Variants in C12orf54 observed in about 807,000 individuals in gnomAD.
C12orf54 encodes the protein uncharacterized protein C12orf54.
Under a neutral mutation model 26.4 loss-of-function variants are expected in C12orf54, and 24 were observed. The observed-to-expected ratio is 0.91, with a 90% confidence interval of 0.66 to 1.28. The LOEUF (loss-of-function observed/expected upper bound fraction) is 1.28. C12orf54 is among the 50% of genes most tolerant of loss of function. C12orf54 has a pLI of 0.00. For synonymous variants in C12orf54, 54 were observed against 47.0 expected, an observed-to-expected ratio of 1.15 and a Z score of -0.61; for missense variants, 154 against 150.9, an observed-to-expected ratio of 1.02 and a Z score of -0.11.
chr12:48,488,641 A>T (rs187356941), intron 4 of C12orf54: 2 of 452,982 alleles, frequency 4.4e-6, no homozygotes, highest in Non-Finnish European at 7.9e-6. Flanking sequence ...AATAAATATA[A>T]TAGTAGGTTT....
At chr12:48,421,918 G>A in the C12orf54 span, among the ~76,000 whole-genome samples, 1 of 152,110 alleles carries the variant, frequency 6.6e-6, no homozygotes, top group Non-Finnish European at 1.5e-5. Context: ...TAAGTAAATT[G>A]TATATATTTG....
intron 4 of C12orf54, chr12:48,488,099 C>T: frequency 2.3e-6 from 2 of 856,514 alleles, no homozygotes; most frequent in Admixed American, 1.7e-5. Flanking sequence ...TGCAGTCTCT[C>T]AAGTCCCAAG....
the C12orf54 span, among the ~76,000 whole-genome samples, chr12:48,464,665 A>G: frequency 6.6e-6 from 1 of 152,194 alleles, no homozygotes; most frequent in African/African-American, 2.4e-5. Context: ...CCCAATTTTG[A>G]ACTATACTAC....
chr12:48,426,005 T>C, the C12orf54 span, among the ~76,000 whole-genome samples: 1 of 151,716 alleles, frequency 6.6e-6, no homozygotes, highest in African/African-American at 2.4e-5. Context: ...GATGTATAGC[T>C]TGCAAATATT....
the C12orf54 span, among the ~76,000 whole-genome samples, chr12:48,439,977 C>G: frequency 6.6e-6 from 1 of 152,106 alleles, no homozygotes; most frequent in Non-Finnish European, 1.5e-5. Flanking sequence ...GTAATCCCAG[C>G]ACCTTGGGAG....
At chr12:48,427,062 GC>G in the C12orf54 span, among the ~76,000 whole-genome samples, 1 of 152,152 alleles carries the variant, frequency 6.6e-6, no homozygotes, top group East Asian at 1.9e-4. Context: ...CTATTTGGAT[GC>G]CCTTTATTTC....
chr12:48,489,785 G>A (rs571336284), intron 5 of C12orf54, among the ~76,000 whole-genome samples: 27 of 149,886 alleles, frequency 1.8e-4, no homozygotes, highest in South Asian at 8.4e-4. Flanking sequence ...GTAGTAGCAC[G>A]ATCTTGGCTC....
the C12orf54 span, among the ~76,000 whole-genome samples, chr12:48,432,349 C>T: frequency 7.9e-5 from 12 of 152,188 alleles, no homozygotes; most frequent in East Asian, 1.9e-3. Context: ...AATCTCACAC[C>T]AATTCTTAGC....
At chr12:48,486,317 A>G in intron 3 of C12orf54, 109 bp downstream of exon 3, 1 of 1,166,058 alleles carries the variant, frequency 8.6e-7, no homozygotes, top group Non-Finnish European at 1.3e-6. Flanking sequence ...CTACCTGACA[A>G]GGGACAGGGT....
At chr12:48,473,456 T>A in the C12orf54 span, 1 of 560,188 alleles carries the variant, frequency 1.8e-6, no homozygotes, top group Non-Finnish European at 3.2e-6. Flanking sequence ...GTGATTTTAC[T>A]GTTTTTAGCC....
the C12orf54 span, among the ~76,000 whole-genome samples, chr12:48,462,806 G>A: frequency 1.3e-5 from 2 of 151,766 alleles, no homozygotes; most frequent in South Asian, 2.1e-4. Flanking sequence ...CATAGTAAAA[G>A]ACTGAAAGCA....
At chr12:48,434,189 C>T in the C12orf54 span, among the ~76,000 whole-genome samples, 2 of 152,156 alleles carry the variant, frequency 1.3e-5, no homozygotes, top group African/African-American at 2.4e-5. Flanking sequence ...TGAGATCAAG[C>T]AGCAAAGCGG....
the C12orf54 span, among the ~76,000 whole-genome samples, chr12:48,418,316 A>C: frequency 2.6e-5 from 4 of 152,208 alleles, no homozygotes; most frequent in African/African-American, 9.6e-5. Context: ...AAGGTAAGTC[A>C]TCAATAAGCG....
chr12:48,474,654 G>C, the C12orf54 span, among the ~76,000 whole-genome samples: 1 of 152,242 alleles, frequency 6.6e-6, no homozygotes, highest in Non-Finnish European at 1.5e-5. Context: ...TAGCACAGCA[G>C]TCCGAGATCA....
intron 4 of C12orf54, chr12:48,488,341 C>G: frequency 1.9e-6 from 1 of 518,056 alleles, no homozygotes; most frequent in Non-Finnish European, 3.6e-6. Context: ...AATGCTGTGC[C>G]CCCTGGTGCC....
At chr12:48,466,664 A>G in the C12orf54 span, among the ~76,000 whole-genome samples, 1 of 152,226 alleles carries the variant, frequency 6.6e-6, no homozygotes, top group Non-Finnish European at 1.5e-5. Context: ...ATTTAAAATT[A>G]GAAATAATGT....
chr12:48,466,357 C>T, the C12orf54 span, among the ~76,000 whole-genome samples: 1 of 151,956 alleles, frequency 6.6e-6, no homozygotes, highest in Non-Finnish European at 1.5e-5. Flanking sequence ...GATCCTGGCC[C>T]ACATAGTGAA....
chr12:48,479,714 G>T (rs1170307635), upstream of C12orf54, among the ~76,000 whole-genome samples: 2 of 151,428 alleles, frequency 1.3e-5, no homozygotes, highest in South Asian at 2.1e-4. Flanking sequence ...AGTTGCTTTT[G>T]TGTCCCTCTC....
At chr12:48,435,468 T>C in the C12orf54 span, among the ~76,000 whole-genome samples, 3 of 152,020 alleles carry the variant, frequency 2.0e-5, no homozygotes, top group African/African-American at 7.2e-5. Context: ...GTCAGATTCA[T>C]CAAAGTGGAA....
Sources: allele counts gnomAD v4.1 joint callset (sites outside exome capture counted in the v4.1 genomes callset), GRCh38; gene constraint gnomAD v4.1.1; transcripts MANE v1.5; gene names NCBI Gene and HGNC (gene_info 2026-07-23, HGNC 2026-07-21).